CDH18: variants seen among roughly 807,000 people sequenced by gnomAD.
CDH18 encodes the protein cadherin-18.
CDH18 carries 31 observed loss-of-function variants against 67.9 expected under a neutral mutation model. The observed-to-expected ratio is 0.46, with a 90% CI of 0.34 to 0.62. The LOEUF (loss-of-function observed/expected upper bound fraction) is 0.62. Among genes scored for constraint, CDH18 ranks in the 20% least tolerant of loss-of-function variants. The pLI is 0.01. For missense variants in CDH18, 890 were observed against 975.5 expected, an observed-to-expected ratio of 0.91 and a Z score of 1.17; for synonymous variants, 362 against 347.2, an observed-to-expected ratio of 1.04 and a Z score of -0.48.
In CDH18 at chr5:19,517,204, G is replaced by A. The variant is rs374326452; in HGVS notation, c.1512+3453C>T. ...TAGTTTTAATTTCTATTTACCTAATGTGAATAGAAATAATTTTTAAAAAAT... is the reference window on the plus strand; with the variant it reads ...TAGTTTTAATTTCTATTTACCTAATATGAATAGAAATAATTTTTAAAAAAT... On this transcript the variant is annotated intron_variant, in intron 10 of 12. Coordinates refer to ENST00000382275, the MANE Select transcript of CDH18 (RefSeq NM_004934.5). 9.2e-5 allele frequency among the ~76,000 whole-genome samples: 14 copies of A among 152,136 alleles called. No individual in the cohort carries two copies. In the East Asian group the frequency reaches 2.7e-3, roughly 29 times the overall value.
intron 2 of CDH18, among the ~76,000 whole-genome samples, chr5:20,148,225 G>A (rs1750814920): frequency 6.6e-6 from 1 of 151,554 alleles, no homozygotes; most frequent in African/African-American, 2.4e-5. Flanking sequence ...CCGAGTAGCT[G>A]GGACTACAGA....
chr5:19,813,142 G>A (rs182734090), intron 3 of CDH18, among the ~76,000 whole-genome samples: 4 of 152,194 alleles, frequency 2.6e-5, no homozygotes, highest in Non-Finnish European at 4.4e-5. Context: ...GCCTGTTGAC[G>A]GGTGGGGGAC....
chr5:19,982,585 C>T (rs1799167407), intron 1 of CDH18, among the ~76,000 whole-genome samples: 1 of 151,754 alleles, frequency 6.6e-6, no homozygotes, highest in South Asian at 2.1e-4. Flanking sequence ...AATTTATTCC[C>T]ACAAGTTGTA....
At chr5:19,924,060 T>A (rs1198177328) in intron 2 of CDH18, among the ~76,000 whole-genome samples, 1 of 152,204 alleles carries the variant, frequency 6.6e-6, no homozygotes, top group Admixed American at 6.5e-5. Flanking sequence ...TACATTTTAT[T>A]GCATGGAATA....
intron 3 of CDH18, among the ~76,000 whole-genome samples, chr5:19,765,881 A>ATT (rs59404348): frequency 2.8e-3 from 418 of 148,664 alleles, no homozygotes; most frequent in Admixed American, 5.6e-3. Context: ...TTCAAAAAAC[A>ATT]TTTTTTTTTT....
intron 1 of CDH18, among the ~76,000 whole-genome samples, chr5:20,417,447 T>C (rs1464136796): frequency 1.3e-5 from 2 of 152,228 alleles, no homozygotes; most frequent in Admixed American, 6.5e-5. Flanking sequence ...TATATATTTA[T>C]GCTTTTAGCA....
intron 8 of CDH18, among the ~76,000 whole-genome samples, chr5:19,555,400 T>A (rs894301616): frequency 6.6e-6 from 1 of 152,146 alleles, no homozygotes; most frequent in Non-Finnish European, 1.5e-5. Flanking sequence ...ACCAGCTTCC[T>A]GGAAATAAAC....
At chr5:19,740,701 T>C (rs1206732447) in intron 4 of CDH18, among the ~76,000 whole-genome samples, 2 of 152,166 alleles carry the variant, frequency 1.3e-5, no homozygotes, top group Non-Finnish European at 2.9e-5. Flanking sequence ...TCTAAAATCA[T>C]TCACTTGACA....
intron 2 of CDH18, among the ~76,000 whole-genome samples, chr5:20,106,545 C>A (rs1746954727): frequency 6.6e-6 from 1 of 152,112 alleles, no homozygotes; most frequent in African/African-American, 2.4e-5. Context: ...TATCAATTTT[C>A]ATGTCTTAAT....
intron 1 of CDH18, among the ~76,000 whole-genome samples, chr5:20,435,137 C>G (rs1227675660): frequency 1.3e-5 from 2 of 151,850 alleles, no homozygotes; most frequent in Non-Finnish European, 2.9e-5. Context: ...CCTCTCCCCA[C>G]CACACACACA....
At chr5:20,065,332 A>G (rs986692955) in intron 2 of CDH18, among the ~76,000 whole-genome samples, 2 of 151,990 alleles carry the variant, frequency 1.3e-5, no homozygotes, top group African/African-American at 2.4e-5. Flanking sequence ...TAAAATGTTA[A>G]AAGCAATATC....
intron 2 of CDH18, among the ~76,000 whole-genome samples, chr5:19,851,950 ATG>A (rs1286256025): frequency 1.3e-5 from 2 of 152,088 alleles, no homozygotes; most frequent in African/African-American, 4.8e-5. Context: ...TATGTATAGA[ATG>A]TGTTTCTAAT....
chr5:20,143,380 T>A (rs1750393919), intron 2 of CDH18, among the ~76,000 whole-genome samples: 1 of 152,070 alleles, frequency 6.6e-6, no homozygotes, highest in East Asian at 1.9e-4. Flanking sequence ...ATTTACTTAT[T>A]TATTAGATAT....
chr5:20,536,076 A>T (rs1037223929), intron 1 of CDH18, among the ~76,000 whole-genome samples: 3 of 152,152 alleles, frequency 2.0e-5, no homozygotes, highest in Non-Finnish European at 4.4e-5. Context: ...ATAATTTTTT[A>T]AAATAGCTTG....
chr5:20,332,752 A>G (rs541209784), intron 1 of CDH18, among the ~76,000 whole-genome samples: 1 of 152,202 alleles, frequency 6.6e-6, no homozygotes, highest in Non-Finnish European at 1.5e-5. Flanking sequence ...AAAAACTTAT[A>G]AAAACAAGAT....
At chr5:19,997,200 T>C (rs545553196) in intron 2 of CDH18, among the ~76,000 whole-genome samples, 2 of 152,036 alleles carry the variant, frequency 1.3e-5, no homozygotes, top group Middle Eastern at 3.4e-3. Context: ...TAAAACAAAA[T>C]AAAATATTTT....
At chr5:19,759,561 C>A (rs1772069493) in intron 3 of CDH18, among the ~76,000 whole-genome samples, 5 of 152,126 alleles carry the variant, frequency 3.3e-5, no homozygotes, top group Admixed American at 3.3e-4. Context: ...GTAAGTCAGA[C>A]CAGAGCTAAA....
chr5:19,644,323 C>T (rs1448680553), intron 5 of CDH18, among the ~76,000 whole-genome samples: 1 of 152,038 alleles, frequency 6.6e-6, no homozygotes, highest in Non-Finnish European at 1.5e-5. Context: ...CTTCCTAATA[C>T]TGTGGTCTGT....
intron 2 of CDH18, among the ~76,000 whole-genome samples, chr5:19,855,984 GGTTA>G (rs1220249554): frequency 2.0e-5 from 3 of 152,168 alleles, no homozygotes; most frequent in Admixed American, 6.5e-5. Context: ...AATTCCATGT[GGTTA>G]GTTAAAGCCA....
Sources: allele counts gnomAD v4.1 joint callset (sites outside exome capture counted in the v4.1 genomes callset), GRCh38; gene constraint gnomAD v4.1.1; transcripts MANE v1.5; gene names NCBI Gene and HGNC (gene_info 2026-07-23, HGNC 2026-07-21).